The following SYT14 variants were observed in gnomAD, a reference collection of about 807,000 sequenced individuals.
The protein encoded by SYT14 is synaptotagmin-14.
A neutral mutation model predicts 74.2 loss-of-function variants in SYT14; 32 were observed. The ratio of observed to expected loss-of-function variants is 0.43; its 90% CI spans 0.33 to 0.58. The LOEUF (loss-of-function observed/expected upper bound fraction) is 0.58, where lower values mean the gene tolerates loss of function less well. Ranked by LOEUF, SYT14 falls within the 20% of genes least tolerant of loss-of-function variation. The pLI is 0.05. For synonymous variants in SYT14, 298 were observed against 337.7 expected (o/e 0.88, Z 1.29); for missense variants, 791 against 981.8 (o/e 0.81, Z 2.60).
At chr1:210,062,967 A>G (rs2081232626) in intron 5 of SYT14, among the ~76,000 whole-genome samples, 1 of 149,410 alleles carries the variant, frequency 6.7e-6, no homozygotes. Flanking sequence ...TTCTTGATTC[A>G]TAATTCATGA....
At chr1:210,048,110 T>G (rs192218651) in intron 5 of SYT14, among the ~76,000 whole-genome samples, 1 of 152,354 alleles carries the variant, frequency 6.6e-6, no homozygotes, top group East Asian at 1.9e-4. Context: ...GGTTTTAACA[T>G]TCATTGATGA....
chr1:210,007,299 T>G (rs556247559), intron 2 of SYT14, among the ~76,000 whole-genome samples: 2 of 152,096 alleles, frequency 1.3e-5, no homozygotes, highest in African/African-American at 4.8e-5. Context: ...CCTTCTCACT[T>G]TGCAGTATGG....
chr1:209,971,468 C>T (rs1435849548), intron 2 of SYT14, among the ~76,000 whole-genome samples: 1 of 152,110 alleles, frequency 6.6e-6, no homozygotes, highest in Non-Finnish European at 1.5e-5. Flanking sequence ...TTCCAGTTCT[C>T]AAGGGGAATT....
chr1:210,020,758 A>G (rs2080283992), intron 4 of SYT14, among the ~76,000 whole-genome samples: 1 of 152,238 alleles, frequency 6.6e-6, no homozygotes, highest in Non-Finnish European at 1.5e-5. Flanking sequence ...TTATTTATAT[A>G]ATAGAATATA....
chr1:210,008,277 G>T (rs148234231), intron 2 of SYT14, among the ~76,000 whole-genome samples: 1 of 152,158 alleles, frequency 6.6e-6, no homozygotes. Flanking sequence ...TTGCATTAGT[G>T]AAATTTGAGT....
At chr1:210,076,409 A>G (rs2081501606) in intron 5 of SYT14, among the ~76,000 whole-genome samples, 1 of 152,160 alleles carries the variant, frequency 6.6e-6, no homozygotes, top group Admixed American at 6.5e-5. Flanking sequence ...ACAAAAAATA[A>G]ATCTTGTACC....
Position 210,059,451 on chromosome 1 carries a change from T to TATATATATATAGAG in SYT14, c.1313-34870_1313-34869insTATATATATAGAGA, listed in dbSNP as rs377050610. On this transcript the variant is annotated intron_variant, in intron 5 of 9. Transcript: ENST00000637265. ...GAATATATATATATATATATATATATAGAGAGAGAGAGAGAGAGAGAGAGA... is the reference window on the plus strand; with the variant it reads ...GAATATATATATATATATATATATATATATATATATAGAGAGAGAGAGAGAGAGAGAGAGAGAGA... 2.2e-3 allele frequency among the ~76,000 whole-genome samples: 156 copies of TATATATATATAGAG among 69,866 alleles called. 1 individual carries two copies. Among genetic ancestry groups the TATATATATATAGAG allele is most frequent in the East Asian group, 3.0e-3 (7 of 2,302 alleles). 45.8% of individuals were successfully genotyped at this position (69,866 alleles called of 152,430 possible).
At chr1:210,113,769 A>C (rs2082307822) in intron 7 of SYT14, among the ~76,000 whole-genome samples, 1 of 151,100 alleles carries the variant, frequency 6.6e-6, no homozygotes. Flanking sequence ...CAGATAATTT[A>C]GTTGAAATGT....
rs562809938 is a variant in SYT14 at position 209,977,718 on chromosome 1, C to G, written c.-486+24962C>G. On this transcript the variant is annotated intron_variant, in intron 2 of 9. Transcript: ENST00000637265. Reference sequence around the variant, plus strand: ...CTCTTCTGGAGGAGTATCTTTGTGGCATTCTCTGTATTTCCCGAATTTGAA... The same window carrying G: ...CTCTTCTGGAGGAGTATCTTTGTGGGATTCTCTGTATTTCCCGAATTTGAA... 1.1e-4 allele frequency among the ~76,000 whole-genome samples: 17 copies of G among 152,194 alleles called. No homozygotes were observed. The East Asian group carries it at 2.9e-3, about 26-fold the overall frequency.
chr1:210,131,328 T>C (rs2082668740), intron 7 of SYT14, among the ~76,000 whole-genome samples: 1 of 152,142 alleles, frequency 6.6e-6, no homozygotes, highest in Non-Finnish European at 1.5e-5. Flanking sequence ...CTGAACGTCT[T>C]GCATGAGTAA....
At chr1:210,065,026 G>A (rs866614997) in intron 5 of SYT14, among the ~76,000 whole-genome samples, 4 of 152,082 alleles carry the variant, frequency 2.6e-5, no homozygotes, top group African/African-American at 9.6e-5. Flanking sequence ...ATGACTAATG[G>A]TGTTAGGCGT....
chr1:209,996,387 T>C (rs902090023), intron 2 of SYT14, among the ~76,000 whole-genome samples: 1 of 151,962 alleles, frequency 6.6e-6, no homozygotes, highest in African/African-American at 2.4e-5. Context: ...CATGCAGTCT[T>C]CCAAGATTGA....
intron 5 of SYT14, among the ~76,000 whole-genome samples, chr1:210,027,695 TCTCTC>T (rs2102979881): frequency 6.6e-6 from 1 of 152,256 alleles, no homozygotes; most frequent in African/African-American, 2.4e-5. Context: ...TTTATGAACA[TCTCTC>T]CTCTAAGGAA....
intron 7 of SYT14, among the ~76,000 whole-genome samples, chr1:210,103,390 A>G (rs2082104509): frequency 6.6e-6 from 1 of 151,912 alleles, no homozygotes. Flanking sequence ...CTCTACTAAA[A>G]ATACAAAAAA....
chr1:210,042,137 C>G (rs1039770755), intron 5 of SYT14, among the ~76,000 whole-genome samples: 13 of 152,176 alleles, frequency 8.5e-5, no homozygotes, highest in Admixed American at 6.5e-4. Flanking sequence ...CCAAGGCCAT[C>G]TGGGGACCTG....
chr1:210,076,427 A>G (rs1481289037), intron 5 of SYT14, among the ~76,000 whole-genome samples: 1 of 152,224 alleles, frequency 6.6e-6, no homozygotes, highest in African/African-American at 2.4e-5. Context: ...ACCCATGAGC[A>G]GTCACTCCCC....
intron 5 of SYT14, among the ~76,000 whole-genome samples, chr1:210,031,814 T>C (rs936259830): frequency 6.6e-6 from 1 of 152,146 alleles, no homozygotes; most frequent in African/African-American, 2.4e-5. Flanking sequence ...TGCCTGAGTT[T>C]TGTGAAGAGC....
At chr1:210,060,490 G>A (rs1270696025) in intron 5 of SYT14, among the ~76,000 whole-genome samples, 1 of 151,982 alleles carries the variant, frequency 6.6e-6, no homozygotes, top group Non-Finnish European at 1.5e-5. Context: ...CAGGATTAAC[G>A]TGAGAATTCT....
intron 6 of SYT14, among the ~76,000 whole-genome samples, chr1:210,096,219 G>A (rs1374424815): frequency 6.6e-6 from 1 of 152,158 alleles, no homozygotes; most frequent in African/African-American, 2.4e-5. Flanking sequence ...TGCCAAAACA[G>A]TGCTCTTAAC....
Sources: gnomAD v4.1 joint callset for allele counts (sites outside exome capture counted in the v4.1 genomes callset) on GRCh38, gnomAD v4.1.1 for gene constraint, MANE v1.5 for transcripts, NCBI Gene and HGNC (gene_info 2026-07-23, HGNC 2026-07-21) for gene names.